The following RPTOR variants were observed in gnomAD, a reference collection of about 807,000 sequenced individuals.
RPTOR encodes regulatory-associated protein of mTOR.
In RPTOR, 21 loss-of-function variants were observed where a neutral mutation model predicts 169.9. That is an observed-to-expected ratio of 0.12 (90% CI 0.09 to 0.18). RPTOR has a LOEUF of 0.18. Among genes scored for constraint, RPTOR ranks in the 10% least tolerant of loss-of-function variants. The pLI, the probability that RPTOR is intolerant of heterozygous loss-of-function variation, is 1.00. For missense variants in RPTOR, 1,133 were observed against 1,855.9 expected (o/e 0.61, Z 7.16); for synonymous variants, 732 against 753.2 (o/e 0.97, Z 0.46).
chr17:80,937,136 C>T (rs1263127535), intron 24 of RPTOR, among the ~76,000 whole-genome samples: 1 of 152,182 alleles, frequency 6.6e-6, no homozygotes, highest in African/African-American at 2.4e-5. Flanking sequence ...GCCCTCACTT[C>T]AGGTCATCAG....
chr17:80,875,310 C>T (rs1284917313), intron 13 of RPTOR, among the ~76,000 whole-genome samples: 2 of 152,178 alleles, frequency 1.3e-5, no homozygotes, highest in Non-Finnish European at 2.9e-5. Flanking sequence ...CAAACCACAT[C>T]TTTAGTTGCT....
At chr17:80,942,987 G>C (rs564860691) in intron 25 of RPTOR, among the ~76,000 whole-genome samples, 1 of 152,256 alleles carries the variant, frequency 6.6e-6, no homozygotes. Context: ...CAAAGCCTTC[G>C]GGCCTGCCTG....
chr17:80,666,040 A>T (rs1442546442), intron 3 of RPTOR, among the ~76,000 whole-genome samples: 1 of 152,104 alleles, frequency 6.6e-6, no homozygotes, highest in Non-Finnish European at 1.5e-5. Flanking sequence ...TTGTGGGCTG[A>T]GCAGGGAGGA....
intron 7 of RPTOR, chr17:80,802,956 T>G (rs1165970904): frequency 6.6e-6 from 1 of 152,452 alleles, no homozygotes; most frequent in Non-Finnish European, 1.5e-5. Flanking sequence ...CTCCGTCCAG[T>G]CTGCCATTTC....
At chr17:80,842,882 G>T (rs1179625307) in intron 10 of RPTOR, among the ~76,000 whole-genome samples, 4 of 152,106 alleles carry the variant, frequency 2.6e-5, no homozygotes, top group African/African-American at 9.7e-5. Flanking sequence ...TGTCCGCGTG[G>T]CTCCCTCTGT....
At chr17:80,676,795 A>AT (rs2065864352) in intron 3 of RPTOR, among the ~76,000 whole-genome samples, 1 of 152,152 alleles carries the variant, frequency 6.6e-6, no homozygotes, top group Non-Finnish European at 1.5e-5. Flanking sequence ...GTCCCTGTGT[A>AT]TTTCATGGAG....
At chr17:80,569,776 G>A (rs532822837) in intron 1 of RPTOR, among the ~76,000 whole-genome samples, 8 of 152,246 alleles carry the variant, frequency 5.3e-5, no homozygotes, top group Non-Finnish European at 1.0e-4. Flanking sequence ...GTGACCCCTA[G>A]TCTAGAGAAG....
chr17:80,655,492 T>A (rs1318059307), intron 3 of RPTOR, among the ~76,000 whole-genome samples: 1 of 152,106 alleles, frequency 6.6e-6, no homozygotes, highest in Non-Finnish European at 1.5e-5. Flanking sequence ...AGCCTCAACC[T>A]CCTGGGCTCA....
intron 20 of RPTOR, among the ~76,000 whole-genome samples, chr17:80,905,763 G>A (rs1034215533): frequency 6.6e-6 from 1 of 152,192 alleles, no homozygotes; most frequent in Non-Finnish European, 1.5e-5. Context: ...TGAGGCTTGA[G>A]CAGCCACCAG....
At chr17:80,706,462 T>A (rs773961980) in intron 3 of RPTOR, among the ~76,000 whole-genome samples, 2 of 152,254 alleles carry the variant, frequency 1.3e-5, no homozygotes, top group Non-Finnish European at 2.9e-5. Context: ...CTCACTCAGG[T>A]TCTCTGGAAG....
intron 19 of RPTOR, among the ~76,000 whole-genome samples, chr17:80,893,283 GGTGTGTGTGCGCCGGGT>G (rs1246161643): frequency 5.3e-5 from 8 of 151,054 alleles, no homozygotes; most frequent in South Asian, 4.2e-4. Flanking sequence ...TGTGTACCAG[GGTGTGTGTGCGCCGGGT>G]GTGTGTGTGC....
chr17:80,678,342 T>C (rs1044178655), intron 3 of RPTOR, among the ~76,000 whole-genome samples: 1 of 152,210 alleles, frequency 6.6e-6, no homozygotes, highest in Non-Finnish European at 1.5e-5. Flanking sequence ...TGGTGGCTCA[T>C]GCCTATAATC....
chr17:80,789,233 G>C (rs1481314080), intron 6 of RPTOR, among the ~76,000 whole-genome samples: 1 of 151,954 alleles, frequency 6.6e-6, no homozygotes, highest in Non-Finnish European at 1.5e-5. Context: ...ATTTTAGATA[G>C]TATACTATCT....
intron 7 of RPTOR, among the ~76,000 whole-genome samples, chr17:80,793,509 T>C (rs545611249): frequency 6.6e-6 from 1 of 152,252 alleles, no homozygotes; most frequent in East Asian, 1.9e-4. Context: ...GGCCGCAGTA[T>C]CCTTTCTCCT....
intron 1 of RPTOR, among the ~76,000 whole-genome samples, chr17:80,557,012 C>T (rs1322163400): frequency 6.6e-6 from 1 of 152,058 alleles, no homozygotes; most frequent in Non-Finnish European, 1.5e-5. Flanking sequence ...AGGAGAATCG[C>T]TTGAACTCAG....
chr17:80,620,710 G>A (rs1409584342), intron 1 of RPTOR, among the ~76,000 whole-genome samples: 1 of 152,254 alleles, frequency 6.6e-6, no homozygotes, highest in Non-Finnish European at 1.5e-5. Context: ...AGGTTGCGGT[G>A]AGCCGAGATC....
At chr17:80,635,675 G>A (rs1410977673) in intron 2 of RPTOR, among the ~76,000 whole-genome samples, 1 of 152,172 alleles carries the variant, frequency 6.6e-6, no homozygotes, top group Non-Finnish European at 1.5e-5. Context: ...CAGAGGCAGG[G>A]CCCTGAGGGT....
chr17:80,634,604 T>C (rs2065483068), intron 2 of RPTOR, among the ~76,000 whole-genome samples: 2 of 2,518 alleles, frequency 7.9e-4, no homozygotes, highest in Non-Finnish European at 1.0e-3. Flanking sequence ...GTGTGCGTAC[T>C]GTGTGTGTAC....
chr17:80,872,424 C>T lies in RPTOR; in HGVS notation c.1510-7991C>T, dbSNP rs1005330793. ...AAGGCAGAGGCCCCTTCCTCCCACC[C>T]CCATGGAAGCCAGACCACACGAGCT... On this transcript the variant is annotated intron_variant, in intron 13 of 33. Transcript: ENST00000306801. Among the ~76,000 whole-genome samples, 3 of 152,214 alleles carry T rather than the reference C, an allele frequency of 2.0e-5. No individual in the cohort carries two copies. In the South Asian group the frequency reaches 6.2e-4, roughly 32 times the overall value.
Sources: allele counts gnomAD v4.1 joint callset (sites outside exome capture counted in the v4.1 genomes callset), GRCh38; gene constraint gnomAD v4.1.1; transcripts MANE v1.5; gene names NCBI Gene and HGNC (gene_info 2026-07-23, HGNC 2026-07-21).